Variants in ARHGEF18 observed in about 807,000 individuals in gnomAD.
The protein encoded by ARHGEF18 is rho guanine nucleotide exchange factor 18.
ARHGEF18 carries 93 observed loss-of-function variants against 155.7 expected under a neutral mutation model. The ratio of observed to expected loss-of-function variants is 0.60; its 90% CI spans 0.50 to 0.71. ARHGEF18 has a LOEUF of 0.71. ARHGEF18 is among the 30% of genes least tolerant of loss of function. The pLI is 0.00. For missense variants in ARHGEF18, 1,593 were observed against 1,816.1 expected, an observed-to-expected ratio of 0.88 and a Z score of 2.23; for synonymous variants, 742 against 753.1, an observed-to-expected ratio of 0.99 and a Z score of 0.24.
At position 7,412,008 on chromosome 19, in the gene ARHGEF18, T is replaced by C. The variant is rs1307425359; in HGVS notation, c.968-28336T>C. 4.7e-4 allele frequency among the ~76,000 whole-genome samples: 71 copies of C among 151,210 alleles called. 1 individual carries two copies. The Admixed American group carries it at 4.8e-3, about 10-fold the overall frequency. On this transcript the variant is annotated intron_variant, in intron 10 of 28. Coordinates refer to ENST00000668164, the MANE Select transcript of ARHGEF18 (RefSeq NM_001367823.1). ...CCATTCATCTATACATGCACACTTA[T>C]TTCCATGTTTTGTGTTTTTTTGTTT...
chr19:7,396,949 G>A (rs957561824), intron 10 of ARHGEF18, among the ~76,000 whole-genome samples: 9 of 151,792 alleles, frequency 5.9e-5, no homozygotes. Context: ...TTGCATATGC[G>A]AATGCTCCCA....
intron 2 of ARHGEF18, among the ~76,000 whole-genome samples, chr19:7,368,018 G>GAA (rs1243749698): frequency 8.1e-6 from 1 of 123,312 alleles, no homozygotes; most frequent in African/African-American, 3.8e-5. Flanking sequence ...AGGGAGGGAG[G>GAA]GCGGAAGGAA....
intron 10 of ARHGEF18, among the ~76,000 whole-genome samples, chr19:7,428,277 C>T (rs985918625): frequency 1.3e-5 from 2 of 152,142 alleles, no homozygotes; most frequent in African/African-American, 2.4e-5. Flanking sequence ...GGGTAAGTAA[C>T]CCTTGGCTTT....
chr19:7,463,322 T>TGGAATGTTCTTGTCCC lies in ARHGEF18; in HGVS notation c.2636-495_2636-480dup, dbSNP rs1409491894. Among the ~76,000 whole-genome samples, 1 of 152,190 alleles carries TGGAATGTTCTTGTCCC rather than the reference T, an allele frequency of 6.6e-6. No individual in the cohort carries two copies. The highest frequency in any genetic ancestry group is 1.5e-5 in the Non-Finnish European group (1 of 68,030). On this transcript the variant is annotated intron_variant, in intron 21 of 28. Transcript: ENST00000668164. The surrounding 1 kb of genome is among the most constrained non-coding windows in gnomAD (Gnocchi z 5.2). ...CACTCTCATATCCCGCACCTTGGCC[T>TGGAATGTTCTTGTCCC]GGAATGTTCTTGTCCCCACCTCTGT...
intron 10 of ARHGEF18, among the ~76,000 whole-genome samples, chr19:7,389,784 G>C (rs1054475386): frequency 6.6e-6 from 1 of 152,000 alleles, no homozygotes; most frequent in Non-Finnish European, 1.5e-5. Flanking sequence ...ATCCGCCCAC[G>C]AGTCGTGACA....
At chr19:7,477,485 C>G, downstream of ARHGEF18, 1 of 1,344,176 alleles carries the variant, frequency 7.4e-7, no homozygotes, top group Non-Finnish European at 9.6e-7. Flanking sequence ...ACCTGCCTGC[C>G]CTTCCCAAGC....
chr19:7,371,294 T>A (rs759933777), intron 2 of ARHGEF18, among the ~76,000 whole-genome samples: 12 of 151,906 alleles, frequency 7.9e-5, no homozygotes, highest in Non-Finnish European at 1.5e-4. Flanking sequence ...GAATTTTAAT[T>A]TGGGAAGATG....
intron 20 of ARHGEF18, among the ~76,000 whole-genome samples, chr19:7,460,214 G>A (rs948659329): frequency 6.6e-6 from 1 of 152,040 alleles, no homozygotes; most frequent in Non-Finnish European, 1.5e-5. Flanking sequence ...GGAGAGGGAG[G>A]GAGGAGAGCC....
chr19:7,357,125 T>C (rs1969338693), intron 1 of ARHGEF18, among the ~76,000 whole-genome samples: 1 of 152,190 alleles, frequency 6.6e-6, no homozygotes, highest in Non-Finnish European at 1.5e-5. Flanking sequence ...ACAGCAAGTA[T>C]ATGCTGGAGG....
At chr19:7,375,294 G>GT in intron 3 of ARHGEF18, among the ~76,000 whole-genome samples, 1 of 70,878 alleles carries the variant, frequency 1.4e-5, no homozygotes, top group East Asian at 3.4e-4. Context: ...AGAAAGAAAA[G>GT]AAAGAAAGAA....
At chr19:7,453,762 A>AGTGGGCACTGTCTTGGAGTG (rs770270541) in intron 17 of ARHGEF18, 47 bp downstream of exon 17, 2 of 1,505,996 alleles carry the variant, frequency 1.3e-6, no homozygotes, top group Admixed American at 4.4e-5. Context: ...ATCTTGGATC[A>AGTGGGCACTGTCTTGGAGTG]GTGGGCACTG....
At chr19:7,417,066 C>T (rs998120208) in intron 10 of ARHGEF18, among the ~76,000 whole-genome samples, 2 of 152,088 alleles carry the variant, frequency 1.3e-5, no homozygotes, top group Non-Finnish European at 1.5e-5. Context: ...CGCACCACCA[C>T]ACCTGCGTAA....
chr19:7,362,672 T>G (rs1306684724), intron 1 of ARHGEF18, 109 bp from the exon 2 acceptor site: 1 of 1,042,994 alleles, frequency 9.6e-7, no homozygotes, highest in Non-Finnish European at 1.2e-6. Context: ...CATTTTATAG[T>G]TGAGAAAACT....
chr19:7,476,355 A>G (rs1977226760), downstream of ARHGEF18, among the ~76,000 whole-genome samples: 1 of 152,222 alleles, frequency 6.6e-6, no homozygotes, highest in South Asian at 2.1e-4. Context: ...ATGAGGCCCA[A>G]GGGCGCACAC....
chr19:7,380,281 A>G (rs1335391971), intron 7 of ARHGEF18, among the ~76,000 whole-genome samples: 1 of 151,910 alleles, frequency 6.6e-6, no homozygotes, highest in African/African-American at 2.4e-5. Context: ...GATCGAGACC[A>G]TCCTGACTAA....
intron 10 of ARHGEF18, among the ~76,000 whole-genome samples, chr19:7,388,301 C>A (rs1431580144): frequency 6.6e-6 from 1 of 151,900 alleles, no homozygotes; most frequent in Non-Finnish European, 1.5e-5. Context: ...GCTATGTTGT[C>A]CAGGCTGGTC....
chr19:7,442,557 C>T (rs1300758607), intron 13 of ARHGEF18, among the ~76,000 whole-genome samples: 2 of 125,436 alleles, frequency 1.6e-5, no homozygotes, highest in East Asian at 4.9e-4. Flanking sequence ...TCTCTCTCCT[C>T]TCTTGGTGCA....
chr19:7,387,997 T>C (rs1971181047), intron 10 of ARHGEF18, among the ~76,000 whole-genome samples: 1 of 151,988 alleles, frequency 6.6e-6, no homozygotes, highest in East Asian at 1.9e-4. Flanking sequence ...GAGTTGAGTT[T>C]GCAGCATTAC....
intron 26 of ARHGEF18, among the ~76,000 whole-genome samples, chr19:7,468,449 A>G (rs1976801116): frequency 6.6e-6 from 1 of 152,144 alleles, no homozygotes. Context: ...TGGGAGGCTG[A>G]GGCAGGGGGA....
Sources: allele counts gnomAD v4.1 joint callset (sites outside exome capture counted in the v4.1 genomes callset), GRCh38; gene constraint gnomAD v4.1.1; non-coding constraint Gnocchi (gnomAD v3.1); transcripts MANE v1.5; gene names NCBI Gene and HGNC (gene_info 2026-07-23, HGNC 2026-07-21).